Variants in PTPRN2 observed in about 807,000 individuals in gnomAD.
The protein encoded by PTPRN2 is receptor-type tyrosine-protein phosphatase N2.
Under a neutral mutation model 118.8 loss-of-function variants are expected in PTPRN2, and 74 were observed. That is an observed-to-expected ratio of 0.62 (90% CI 0.52 to 0.76). The LOEUF (loss-of-function observed/expected upper bound fraction) is 0.76, where lower values mean the gene tolerates loss of function less well. Ranked by LOEUF, PTPRN2 falls within the 30% of genes least tolerant of loss-of-function variation. PTPRN2 has a pLI of 0.00. For synonymous variants in PTPRN2, 641 were observed against 608.0 expected, an observed-to-expected ratio of 1.05 and a Z score of -0.80; for missense variants, 1,481 against 1,394.4, an observed-to-expected ratio of 1.06 and a Z score of -0.99.
rs376430775 is a variant in PTPRN2 at position 157,625,436 on chromosome 7, C to G, written c.2197-3927G>C. ...TGAATTAACAGCATTTGCAGTGACC[C>G]GGATGAGACTGGAGACTATTCTTCC... On this transcript the variant is annotated intron_variant, in intron 14 of 22. Transcript: ENST00000389418. Among the ~76,000 whole-genome samples the G allele has an allele frequency of 1.3e-5, 2 of 152,096 alleles. 1 individual carries two copies. Among genetic ancestry groups the G allele is most frequent in the South Asian group, 4.1e-4 (2 of 4,820 alleles).
At chr7:157,776,434 T>TC in intron 12 of PTPRN2, among the ~76,000 whole-genome samples, 1 of 56,008 alleles carries the variant, frequency 1.8e-5, no homozygotes, top group Admixed American at 2.0e-4. Context: ...CTCCTCTGTC[T>TC]CTCCTCTTCC....
chr7:157,886,013 G>A (rs2151295598), intron 12 of PTPRN2, among the ~76,000 whole-genome samples: 1 of 152,372 alleles, frequency 6.6e-6, no homozygotes, highest in East Asian at 1.9e-4. Flanking sequence ...AGCTTTCAGG[G>A]TGCAGGATCC....
rs184556917 is a variant in PTPRN2 at position 158,045,809 on chromosome 7, C to T, written c.1723+35489G>A. Among the ~76,000 whole-genome samples the T allele has an allele frequency of 2.9e-3, 427 of 146,616 alleles. 5 individuals carry two copies. The South Asian group carries it at 0.043, about 15-fold the overall frequency. On this transcript the variant is annotated intron_variant, in intron 11 of 22. Transcript: ENST00000389418. ...CCAGGAGCAGAACCTGCGATCCTGG[C>T]GTCCTGACACTGCCTCGTTCTGTCC...
intron 12 of PTPRN2, among the ~76,000 whole-genome samples, chr7:157,759,091 A>C (rs1801981914): frequency 6.6e-6 from 1 of 152,246 alleles, no homozygotes; most frequent in Non-Finnish European, 1.5e-5. Context: ...TTGGGTCTGA[A>C]AAATCATGTC....
In PTPRN2 at chr7:158,514,350, G is replaced by A. The variant is rs559537801; in HGVS notation, c.113-24565C>T. Among the ~76,000 whole-genome samples, 3 of 152,340 alleles carry A rather than the reference G, an allele frequency of 2.0e-5. No individual in the cohort carries two copies. The South Asian group carries it at 6.2e-4, about 32-fold the overall frequency. On this transcript the variant is annotated intron_variant, in intron 1 of 22. Transcript: ENST00000389418. ...AGTGACGGAGAATGCACAGCTGCATGGAGATGACCCCAGGATGGCAGCAAA... is the reference window on the plus strand; with the variant it reads ...AGTGACGGAGAATGCACAGCTGCATAGAGATGACCCCAGGATGGCAGCAAA...
At chr7:158,098,538 G>A (rs1421474019) in intron 10 of PTPRN2, among the ~76,000 whole-genome samples, 1 of 152,182 alleles carries the variant, frequency 6.6e-6, no homozygotes, top group East Asian at 1.9e-4. Context: ...CGAAGGCGGT[G>A]GCCAGGAGGG....
chr7:157,976,467 C>G (rs184419699), intron 11 of PTPRN2, among the ~76,000 whole-genome samples: 1 of 148,704 alleles, frequency 6.7e-6, no homozygotes, highest in Admixed American at 6.6e-5. Context: ...AAGCCCCCCC[C>G]ACCAATTACC....
intron 3 of PTPRN2, among the ~76,000 whole-genome samples, chr7:158,263,028 T>C (rs1485144522): frequency 8.8e-6 from 1 of 113,884 alleles, no homozygotes; most frequent in Non-Finnish European, 1.8e-5. Context: ...AGTGCACACA[T>C]ACATATTCAC....
chr7:158,331,762 C>T (rs1356458230), intron 2 of PTPRN2, among the ~76,000 whole-genome samples: 7 of 151,138 alleles, frequency 4.6e-5, no homozygotes, highest in South Asian at 2.1e-4. Context: ...CAAACTCACA[C>T]TCTCACCATA....
chr7:157,956,818 G>C (rs1485582857), intron 11 of PTPRN2, among the ~76,000 whole-genome samples: 3 of 152,262 alleles, frequency 2.0e-5, no homozygotes, highest in African/African-American at 7.2e-5. Context: ...TTCTTAGCCT[G>C]TGAGTTGGAA....
chr7:158,067,355 C>A (rs776320911), intron 11 of PTPRN2, among the ~76,000 whole-genome samples: 6 of 152,218 alleles, frequency 3.9e-5, no homozygotes, highest in Non-Finnish European at 8.8e-5. Context: ...GAGCTCCCAG[C>A]TGGCAGGGGG....
intron 2 of PTPRN2, among the ~76,000 whole-genome samples, chr7:158,355,859 C>T (rs1410120695): frequency 6.6e-6 from 1 of 152,154 alleles, no homozygotes; most frequent in Non-Finnish European, 1.5e-5. Flanking sequence ...GAATCCTCCA[C>T]GTGGGGATGC....
rs1804000308 is a variant in PTPRN2, at chr7:157,785,814, GC to G, written c.1789-102878del. On this transcript the variant is annotated intron_variant, in intron 12 of 22. Coordinates refer to ENST00000389418, the MANE Select transcript of PTPRN2 (RefSeq NM_002847.5). This position sits in a 1 kb window ranked among gnomAD's most constrained non-coding sequence, Gnocchi z 7.3. ...GGCTGGGAGCTGAGACGCGCAGGGG[GC>G]CCAGCTGAAGCCTGCGTTTTCCCTT... 1.3e-5 allele frequency among the ~76,000 whole-genome samples: 2 copies of G among 152,184 alleles called. No individual in the cohort carries two copies. Among genetic ancestry groups the G allele is most frequent in the African/African-American group, 4.8e-5 (2 of 41,442 alleles).
At chr7:158,096,556 G>A (rs536317628) in intron 10 of PTPRN2, among the ~76,000 whole-genome samples, 24 of 152,326 alleles carry the variant, frequency 1.6e-4, no homozygotes, top group Admixed American at 3.9e-4. Context: ...TCTTAAAGAC[G>A]GGACGGGGAG....
At chr7:157,572,694 G>A (rs957494300) in intron 19 of PTPRN2, among the ~76,000 whole-genome samples, 1 of 152,242 alleles carries the variant, frequency 6.6e-6, no homozygotes, top group South Asian at 2.1e-4. Context: ...AGGGCACCAC[G>A]GGAGCTGAAG....
chr7:158,472,436 C>A (rs1414217613), intron 2 of PTPRN2, among the ~76,000 whole-genome samples: 1 of 152,138 alleles, frequency 6.6e-6, no homozygotes, highest in African/African-American at 2.4e-5. Context: ...AAATCTAACA[C>A]GATAACATAT....
intron 12 of PTPRN2, among the ~76,000 whole-genome samples, chr7:157,728,369 GC>G (rs1799713360): frequency 6.6e-6 from 1 of 152,234 alleles, no homozygotes; most frequent in Non-Finnish European, 1.5e-5. Flanking sequence ...GAAAGGACAA[GC>G]CCACAGCATC....
In PTPRN2 at chr7:158,454,514, TG is replaced by T. The variant is rs980025116; in HGVS notation, c.163+35220del. Among the ~76,000 whole-genome samples, 31 of 149,218 alleles carry T rather than the reference TG, an allele frequency of 2.1e-4. 1 individual carries two copies. The East Asian group carries it at 6.1e-3, about 29-fold the overall frequency. On this transcript the variant is annotated intron_variant, in intron 2 of 22. Coordinates refer to ENST00000389418, the MANE Select transcript of PTPRN2 (RefSeq NM_002847.5). ...CACACACAATCACTGATGTGAGGATTGGGGACAGTTGTTATGGAGGACAGAC... is the reference window on the plus strand; with the variant it reads ...CACACACAATCACTGATGTGAGGATTGGGACAGTTGTTATGGAGGACAGAC...
chr7:157,873,896 C>A (rs1202176249), intron 12 of PTPRN2, among the ~76,000 whole-genome samples: 1 of 152,114 alleles, frequency 6.6e-6, no homozygotes, highest in Non-Finnish European at 1.5e-5. Flanking sequence ...ACAAGAGGGG[C>A]TTCAGGGCAC....
Sources: gnomAD v4.1 joint callset for allele counts (sites outside exome capture counted in the v4.1 genomes callset) on GRCh38, gnomAD v4.1.1 for gene constraint, Gnocchi (gnomAD v3.1) non-coding constraint, MANE v1.5 for transcripts, NCBI Gene and HGNC (gene_info 2026-07-23, HGNC 2026-07-21) for gene names.